Variants in FANCA observed in about 807,000 individuals in gnomAD.
The protein encoded by FANCA is FA complementation group A, also known as Fanconi anemia group A protein.
FANCA carries 236 observed loss-of-function variants against 194.3 expected under a neutral mutation model. The observed-to-expected ratio is 1.21, with a 90% CI of 1.09 to 1.35. The LOEUF (loss-of-function observed/expected upper bound fraction) is 1.35, where lower values mean the gene tolerates loss of function less well. Among genes scored for constraint, FANCA ranks in the 40% most tolerant of loss-of-function variants. The pLI is 0.00. For missense variants in FANCA, 2,628 were observed against 1,813.9 expected, an observed-to-expected ratio of 1.45 and a Z score of -8.15; for synonymous variants, 1,014 against 715.8, an observed-to-expected ratio of 1.42 and a Z score of -6.65.
intron 26 of FANCA, among the ~76,000 whole-genome samples, chr16:89,768,300 G>A (rs1008563228): frequency 9.9e-5 from 15 of 152,208 alleles, no homozygotes; most frequent in African/African-American, 3.6e-4. Flanking sequence ...AGCTCAGAAT[G>A]AGATTCCATG....
chr16:89,798,211 G>C (rs1567640928), intron 10 of FANCA: 2 of 312,382 alleles, frequency 6.4e-6, no homozygotes, highest in Non-Finnish European at 9.6e-6. Flanking sequence ...GCCAGGAAGA[G>C]GGTCCTCACC....
chr16:89,748,056 C>T (rs1044183392), intron 33 of FANCA, among the ~76,000 whole-genome samples: 12 of 152,290 alleles, frequency 7.9e-5, no homozygotes, highest in Non-Finnish European at 1.5e-4. Context: ...GGAGTACAGG[C>T]GTGCACCACC....
chr16:89,814,414 C>T lies in FANCA; in HGVS notation c.283+106G>A, dbSNP rs17232127. ...TTGCGACTACACACACCAGTGGAAA[C>T]CCATCGCCTGAGAAAATTTACATTT... On this transcript the variant is annotated intron_variant, in intron 3 of 42. Transcript: ENST00000389301. The T allele has an allele frequency of 5.6e-4, 474 of 838,946 alleles. 5 individuals carry two copies. In the African/African-American group the frequency reaches 7.1e-3, roughly 13 times the overall value. 52.0% of individuals were successfully genotyped at this position (838,946 alleles called of 1,614,324 possible).
chr16:89,786,260 C>G (rs567745458), intron 14 of FANCA, among the ~76,000 whole-genome samples: 9 of 152,178 alleles, frequency 5.9e-5, no homozygotes, highest in Admixed American at 2.0e-4. Context: ...CTCGGCTTAC[C>G]GTAACCTCCG....
rs1457378310 is a variant in FANCA, at chr16:89,786,077, G to A, written c.1360-1113C>T. Among the ~76,000 whole-genome samples the A allele has an allele frequency of 2.1e-5, 3 of 143,470 alleles. 1 individual carries two copies. Among genetic ancestry groups the A allele is most frequent in the Admixed American group, 7.3e-5 (1 of 13,694 alleles). The allele number at this position is 143,470 out of a possible 152,430, so 94.1% of individuals were successfully genotyped here. ...TCTGTCATCCAGGCTGGAGTGCAAC[G>A]GTGCAATCAGGGCTCACTGCAACCT... On this transcript the variant is annotated intron_variant, in intron 14 of 42. Coordinates refer to ENST00000389301, the MANE Select transcript of FANCA (RefSeq NM_000135.4).
chr16:89,791,447 G>C lies in FANCA; in HGVS notation c.1315C>G (p.Leu439Val), dbSNP rs1307948857. The change falls in exon 14 of 43, where the codon CTG becomes GTG. Residue 439 changes from leucine (L) to valine (V), a missense_variant. Physicochemically the swap from Leu to Val is conservative, Grantham distance 32. Coordinates refer to ENST00000389301, the MANE Select transcript of FANCA (RefSeq NM_000135.4). ...TAFLVVRQAALEGPSAFLSYA... is the reference protein window; with the variant it reads ...TAFLVVRQAAVEGPSAFLSYA... The stretch of plus-strand genomic sequence containing the variant: ...GACAGGAACGCAGAGGGGCCCTCCA[G>C]TGCTGCCTGGCGCACAACCAGGAAC... 1.9e-6 allele frequency: 3 copies of C among 1,614,154 alleles called. No homozygotes were observed. The highest frequency in any genetic ancestry group is 1.7e-5 in the Admixed American group (1 of 60,016).
chr16:89,803,211 T>C, intron 8 of FANCA, 48 bp downstream of exon 8: 2 of 1,548,218 alleles, frequency 1.3e-6, no homozygotes, highest in South Asian at 2.2e-5. Context: ...ACACTTGGAA[T>C]AAGGACGGCT....
At chr16:89,761,344 G>A (rs534049554) in intron 29 of FANCA, among the ~76,000 whole-genome samples, 3 of 151,706 alleles carry the variant, frequency 2.0e-5, no homozygotes, top group East Asian at 1.9e-4. Flanking sequence ...GCGTGAACCC[G>A]GGAGGTGGAG....
At chr16:89,756,056 T>G (rs985383158) in intron 30 of FANCA, among the ~76,000 whole-genome samples, 1 of 151,972 alleles carries the variant, frequency 6.6e-6, no homozygotes, top group African/African-American at 2.4e-5. Flanking sequence ...TATCTAAACA[T>G]AGAAAAGGTA....
rs1294231215 is a variant in FANCA, at chr16:89,737,865, C to T, written c.*736G>A. 9 of 1,614,094 alleles carry T rather than the reference C, an allele frequency of 5.6e-6. No homozygotes were observed. Among genetic ancestry groups the T allele is most frequent in the African/African-American group, 1.3e-5 (1 of 74,918 alleles). ...AACCTTCAAGCAGCGGAAGCACCTT[C>T]TCGTCCACCAAATGCGACATTCGGG... On this transcript the variant is annotated 3_prime_UTR_variant, in exon 43 of 43. Transcript: ENST00000389301.
At position 89,761,420 on chromosome 16, in the gene FANCA, G is replaced by GAAA. The variant is rs56659330; in HGVS notation, c.2852+526_2852+528dup. 4.4e-3 allele frequency among the ~76,000 whole-genome samples: 424 copies of GAAA among 95,678 alleles called. 2 individuals carry two copies. Among genetic ancestry groups the GAAA allele is most frequent in the Non-Finnish European group, 7.6e-3 (345 of 45,464 alleles). 62.8% of individuals were successfully genotyped at this position (95,678 alleles called of 152,430 possible). A position where few individuals can be genotyped will look rare whatever the true frequency, so the allele number is the denominator to read the frequency against. On this transcript the variant is annotated intron_variant, in intron 29 of 42. Transcript: ENST00000389301. ...GGTGACAGAGCAAGACTCTGTCTCA[G>GAAA]AAAAAAAAAAAAAAAAAGAAAAACA... is the stretch of plus-strand genomic sequence containing the variant.
chr16:89,792,721 G>A (rs1283430825), intron 11 of FANCA, 174 bp from the exon 12 acceptor site: 10 of 597,598 alleles, frequency 1.7e-5, no homozygotes, highest in Middle Eastern at 4.5e-4. Context: ...GGGCCCGGGG[G>A]ACCACTACCA....
At chr16:89,756,432 C>G (rs2038769159) in intron 30 of FANCA, among the ~76,000 whole-genome samples, 1 of 152,142 alleles carries the variant, frequency 6.6e-6, no homozygotes, top group African/African-American at 2.4e-5. Flanking sequence ...AGTTCAAGAC[C>G]AGTCTGGCCA....
intron 12 of FANCA, 30 bp downstream of exon 12, chr16:89,792,441 A>C (rs2040107610): frequency 2.5e-6 from 4 of 1,606,590 alleles, no homozygotes; most frequent in Non-Finnish European, 3.4e-6. Flanking sequence ...CCACGAGCTC[A>C]GAAGCAGGTA....
chr16:89,814,463 T>C, intron 3 of FANCA, 57 bp downstream of exon 3: 1 of 1,301,468 alleles, frequency 7.7e-7, no homozygotes, highest in African/African-American at 1.5e-5. Context: ...CAAACTATGG[T>C]TACTATATAA....
At chr16:89,785,379 A>C (rs1243216717) in intron 14 of FANCA, among the ~76,000 whole-genome samples, 1 of 152,170 alleles carries the variant, frequency 6.6e-6, no homozygotes, top group Non-Finnish European at 1.5e-5. Flanking sequence ...ACAGCAAACA[A>C]ATTGATTTTG....
rs780769017 is a variant in FANCA at position 89,749,894 on chromosome 16, T to C, written c.3075A>G (p.Val1025=). 6.2e-7 allele frequency: 1 copy of C among 1,614,064 alleles called. No homozygotes were observed. Among genetic ancestry groups the C allele is most frequent in the Admixed American group, 1.7e-5 (1 of 60,018 alleles). The change falls in exon 32 of 43, where the codon GTA becomes GTG. Residue 1025 remains valine (V), a synonymous_variant. Transcript: ENST00000389301. The part of the protein sequence containing the change: ...EDIISRLQEM[V]ADLELQQDLI... The stretch of plus-strand genomic sequence containing the variant: ...GGTCTTGCTGCAGCTCCAGGTCAGC[T>C]ACCATCTCCTGAAAAAGAGCAGTAT...
At chr16:89,746,286 G>A (rs2038384876) in intron 35 of FANCA, among the ~76,000 whole-genome samples, 2 of 152,186 alleles carry the variant, frequency 1.3e-5, no homozygotes, top group Non-Finnish European at 2.9e-5. Context: ...GAACAAACAA[G>A]CCCTGCACCC....
rs543001030 is a variant in FANCA, at chr16:89,815,863, C to A, written c.189+14G>T. On this transcript the variant is annotated intron_variant, in intron 2 of 42. Transcript: ENST00000389301. ...CCTAAATCTGCCCGCAGACGGACAC[C>A]AGCTTCCTCTTACCTCAAGCAAAAG... is the stretch of plus-strand genomic sequence containing the variant. 3 of 1,593,342 alleles carry A rather than the reference C, an allele frequency of 1.9e-6. No individual in the cohort carries two copies. In the East Asian group the frequency reaches 6.7e-5, roughly 36 times the overall value.
Sources: gnomAD v4.1 joint callset for allele counts (sites outside exome capture counted in the v4.1 genomes callset) on GRCh38, gnomAD v4.1.1 for gene constraint, MANE v1.5 for transcripts, NCBI Gene and HGNC (gene_info 2026-07-23, HGNC 2026-07-21) for gene names.